The following TDRD1 variants were observed in gnomAD, a reference collection of about 807,000 sequenced individuals.
TDRD1 encodes the protein tudor domain-containing protein 1.
TDRD1 carries 37 observed loss-of-function variants against 140.6 expected under a neutral mutation model. The ratio of observed to expected loss-of-function variants is 0.26; its 90% CI spans 0.20 to 0.35. TDRD1 has a LOEUF of 0.35. Among genes scored for constraint, TDRD1 ranks in the 10% least tolerant of loss-of-function variants. TDRD1 has a pLI of 1.00. For missense variants in TDRD1, 1,243 were observed against 1,393.0 expected (o/e 0.89, Z 1.71); for synonymous variants, 506 against 475.7 (o/e 1.06, Z -0.83).
intron 25 of TDRD1, among the ~76,000 whole-genome samples, chr10:114,229,980 G>A (rs1447617188): frequency 1.3e-5 from 2 of 151,780 alleles, no homozygotes; most frequent in African/African-American, 2.4e-5. Context: ...ATAGGTGCCC[G>A]CCACCACACC....
At chr10:114,228,770 T>C (rs971910475) in intron 25 of TDRD1, 21 of 985,310 alleles carry the variant, frequency 2.1e-5, no homozygotes, top group African/African-American at 1.7e-5. Flanking sequence ...AAATAAATTT[T>C]TGATTAAGAG....
chr10:114,221,150 C>A (rs767509164), intron 19 of TDRD1, among the ~76,000 whole-genome samples: 2 of 152,148 alleles, frequency 1.3e-5, no homozygotes, highest in Non-Finnish European at 2.9e-5. Flanking sequence ...TCAAGGATTT[C>A]ATTGTAGACT....
chr10:114,181,994 A>C (rs1380463503), intron 1 of TDRD1, among the ~76,000 whole-genome samples: 3 of 152,226 alleles, frequency 2.0e-5, no homozygotes, highest in Non-Finnish European at 4.4e-5. Flanking sequence ...ATATTTAAAA[A>C]TAAATTCCAA....
At chr10:114,218,669 TC>T in intron 18 of TDRD1, 85 bp downstream of exon 18, 2 of 1,012,018 alleles carry the variant, frequency 2.0e-6, no homozygotes, top group Non-Finnish European at 2.8e-6. Flanking sequence ...TGTTAACATT[TC>T]GTGTGAGTTA....
At chr10:114,226,899 A>G (rs1457696946) in intron 22 of TDRD1, among the ~76,000 whole-genome samples, 173 bp from the exon 23 acceptor site, 1 of 152,344 alleles carries the variant, frequency 6.6e-6, no homozygotes, top group Middle Eastern at 3.4e-3. Flanking sequence ...TAGGTGATCA[A>G]TCAATATGTA....
At chr10:114,189,814 C>T (rs1362699039) in intron 2 of TDRD1, among the ~76,000 whole-genome samples, 1 of 152,208 alleles carries the variant, frequency 6.6e-6, no homozygotes, top group Non-Finnish European at 1.5e-5. Context: ...GGAAATGCTG[C>T]ATATAACTCA....
intron 3 of TDRD1, among the ~76,000 whole-genome samples, chr10:114,198,095 G>A (rs2034492780): frequency 6.6e-6 from 1 of 152,152 alleles, no homozygotes; most frequent in Admixed American, 6.5e-5. Context: ...GGCTCTTTCT[G>A]TTGGGTGAGG....
chr10:114,212,047 T>G lies in TDRD1; in HGVS notation c.1831+11T>G, dbSNP rs1356650139. On this transcript the variant is annotated intron_variant, in intron 14 of 25. Transcript: ENST00000251864. ...AGTGTGTACTAGCAGGTATGAAATT[T>G]TTATAGCCTCCATATTCTTTAAAAA... 6 of 1,590,534 alleles carry G rather than the reference T, an allele frequency of 3.8e-6. No individual in the cohort carries two copies. Among genetic ancestry groups the G allele is most frequent in the Non-Finnish European group, 5.1e-6 (6 of 1,173,966 alleles).
chr10:114,214,741 T>C (rs1052132021), intron 16 of TDRD1, among the ~76,000 whole-genome samples: 2 of 151,630 alleles, frequency 1.3e-5, no homozygotes, highest in Admixed American at 6.6e-5. Flanking sequence ...TTCTTTCTTT[T>C]TTTTTTTTTT....
At position 114,220,944 on chromosome 10, in the gene TDRD1, A is replaced by G. The variant is rs140287357; in HGVS notation, c.2770+101A>G. ...TAAATGACAGTTTTCCTGTAGAGAT[A>G]TGCTTTACGGACATAGATTAGTAGG... On this transcript the variant is annotated intron_variant, in intron 19 of 25. Transcript: ENST00000251864. The G allele has an allele frequency of 1.9e-4, 138 of 741,198 alleles. 1 individual carries two copies. The East Asian group carries it at 3.1e-3, about 17-fold the overall frequency. 45.9% of individuals were successfully genotyped at this position (741,198 alleles called of 1,614,324 possible).
chr10:114,205,114 A>G (rs2035015616), intron 10 of TDRD1, among the ~76,000 whole-genome samples: 1 of 152,224 alleles, frequency 6.6e-6, no homozygotes. Flanking sequence ...GGGTGTAACT[A>G]CGATCCCTTT....
chr10:114,207,968 G>A (rs549554918), intron 11 of TDRD1, among the ~76,000 whole-genome samples: 1 of 152,106 alleles, frequency 6.6e-6, no homozygotes, highest in Non-Finnish European at 1.5e-5. Context: ...ACGGAAGCAG[G>A]TGGGAGGGTA....
At chr10:114,212,519 A>G (rs1564956937) in intron 14 of TDRD1, among the ~76,000 whole-genome samples, 1 of 152,322 alleles carries the variant, frequency 6.6e-6, no homozygotes, top group East Asian at 1.9e-4. Context: ...CTTCTATATT[A>G]TTTCATCCTG....
chr10:114,199,422 C>G (rs2132930599), intron 4 of TDRD1, 105 bp downstream of exon 4: 16 of 1,380,004 alleles, frequency 1.2e-5, no homozygotes, highest in South Asian at 4.7e-5. Context: ...AACAGTGTCC[C>G]CATGCCACAC....
At chr10:114,194,013 A>G (rs1159976048) in intron 3 of TDRD1, among the ~76,000 whole-genome samples, 2 of 152,122 alleles carry the variant, frequency 1.3e-5, no homozygotes, top group Non-Finnish European at 2.9e-5. Context: ...GATATTTTGA[A>G]TGGTTAACTA....
rs374465559 is a variant in TDRD1, at chr10:114,220,820, A to C, written c.2747A>C (p.Gln916Pro). 3.1e-6 allele frequency: 5 copies of C among 1,611,790 alleles called. No individual in the cohort carries two copies. In the South Asian group the frequency reaches 3.3e-5, roughly 11 times the overall value. Residue 916 changes from glutamine (Q) to proline (P), a missense_variant, in exon 19 of 26, where the codon CAA (glutamine) becomes CCA (proline). By Grantham distance (76) the Gln-to-Pro change is moderately conservative. Transcript: ENST00000251864. ...AGACTTGTTAATAAACATGAGCTTC[A>C]AGTTCATGTACAGGGACTTCAAGGT...
At chr10:114,230,260 G>T (rs891033562) in intron 25 of TDRD1, among the ~76,000 whole-genome samples, 2 of 152,208 alleles carry the variant, frequency 1.3e-5, no homozygotes, top group Non-Finnish European at 2.9e-5. Flanking sequence ...ATTGTTTCTT[G>T]ATAGATTTAA....
chr10:114,230,836 G>C (rs2036712158), intron 25 of TDRD1, among the ~76,000 whole-genome samples: 1 of 152,120 alleles, frequency 6.6e-6, no homozygotes, highest in Non-Finnish European at 1.5e-5. Context: ...GGCTGAGGAG[G>C]GCAGGTCACA....
chr10:114,228,077 A>C, exon 25 of TDRD1: 1 of 1,607,184 alleles, frequency 6.2e-7, no homozygotes, highest in Non-Finnish European at 8.5e-7. Context: ...CCTCTTAAAC[A>C]ATTCAACCAA....
Sources: allele counts gnomAD v4.1 joint callset (sites outside exome capture counted in the v4.1 genomes callset), GRCh38; gene constraint gnomAD v4.1.1; transcripts MANE v1.5; gene names NCBI Gene and HGNC (gene_info 2026-07-23, HGNC 2026-07-21).